The following NRXN3 variants were observed in gnomAD, a reference collection of about 807,000 sequenced individuals.
NRXN3 encodes neurexin III.
Under a neutral mutation model 137.6 loss-of-function variants are expected in NRXN3, and 32 were observed. The observed-to-expected ratio is 0.23, with a 90% CI of 0.18 to 0.31. The LOEUF is 0.31. Among genes scored for constraint, NRXN3 ranks in the 10% least tolerant of loss-of-function variants. The probability of loss-of-function intolerance (pLI) is 1.00; values close to 1 mark genes in which losing one functional copy is unlikely to be tolerated. For synonymous variants in NRXN3, 798 were observed against 784.5 expected, an observed-to-expected ratio of 1.02 and a Z score of -0.29; for missense variants, 1,574 against 2,062.5, an observed-to-expected ratio of 0.76 and a Z score of 4.59.
intron 20 of NRXN3, chr14:79,853,993 GTT>G (rs2099397220): frequency 1.0e-6 from 1 of 986,478 alleles, no homozygotes; most frequent in Non-Finnish European, 1.2e-6. Context: ...TTCTTTTTAT[GTT>G]ATGTGGTGTG....
chr14:79,048,597 A>T (rs2099636533), intron 15 of NRXN3, among the ~76,000 whole-genome samples: 1 of 150,636 alleles, frequency 6.6e-6, no homozygotes, highest in African/African-American at 2.4e-5. Flanking sequence ...AAAAAATGCG[A>T]ATGATTATCT....
At chr14:79,479,517 CAATAT>C (rs898712316) in intron 16 of NRXN3, among the ~76,000 whole-genome samples, 11 of 151,694 alleles carry the variant, frequency 7.3e-5, no homozygotes, top group Middle Eastern at 3.4e-3. Flanking sequence ...ATTTTCTATT[CAATAT>C]AATATAATAT....
intron 2 of NRXN3, among the ~76,000 whole-genome samples, chr14:78,265,143 T>C (rs564093069): frequency 7.9e-5 from 12 of 152,374 alleles, no homozygotes; most frequent in South Asian, 6.2e-4. Flanking sequence ...CTTTTGGTGA[T>C]AGGTTGGCAC....
chr14:78,486,755 T>C (rs1166402774), intron 4 of NRXN3, among the ~76,000 whole-genome samples: 1 of 152,070 alleles, frequency 6.6e-6, no homozygotes, highest in African/African-American at 2.4e-5. Flanking sequence ...ACTTTTATGG[T>C]TTTGTCTATT....
intron 8 of NRXN3, among the ~76,000 whole-genome samples, chr14:78,795,927 C>G (rs1032146378): frequency 6.6e-6 from 1 of 152,108 alleles, no homozygotes; most frequent in African/African-American, 2.4e-5. Context: ...AAACTGTAAC[C>G]AGCTGCCATC....
chr14:79,311,055 A>T (rs1444288777), intron 15 of NRXN3, among the ~76,000 whole-genome samples: 1 of 118,968 alleles, frequency 8.4e-6, no homozygotes, highest in African/African-American at 4.0e-5. Flanking sequence ...ATTCAGTATG[A>T]TATTGGCTGT....
At chr14:79,108,784 TAGA>T (rs1162872520) in intron 15 of NRXN3, among the ~76,000 whole-genome samples, 2 of 152,128 alleles carry the variant, frequency 1.3e-5, no homozygotes, top group Non-Finnish European at 2.9e-5. Context: ...TTTTCCTTTC[TAGA>T]AGAAGGGGAG....
At chr14:79,371,028 T>C (rs2153434388) in intron 15 of NRXN3, among the ~76,000 whole-genome samples, 1 of 152,296 alleles carries the variant, frequency 6.6e-6, no homozygotes, top group South Asian at 2.1e-4. Flanking sequence ...CTAATGAGAC[T>C]TAGTGCCATT....
At chr14:79,596,051 T>C (rs2097855600) in intron 16 of NRXN3, among the ~76,000 whole-genome samples, 1 of 151,950 alleles carries the variant, frequency 6.6e-6, no homozygotes, top group Admixed American at 6.6e-5. Context: ...GGATGGGTTT[T>C]TTTTTTTTTT....
chr14:79,836,059 G>A (rs2099341792), intron 20 of NRXN3, among the ~76,000 whole-genome samples: 1 of 152,176 alleles, frequency 6.6e-6, no homozygotes, highest in East Asian at 1.9e-4. Context: ...TCCCGACTCT[G>A]CATCATTAGG....
At chr14:78,916,793 C>T (rs984118544) in intron 10 of NRXN3, among the ~76,000 whole-genome samples, 1 of 152,138 alleles carries the variant, frequency 6.6e-6, no homozygotes, top group African/African-American at 2.4e-5. Context: ...CCTCGCAGTT[C>T]TGCAGGGTGG....
chr14:79,123,783 A>C (rs1259047140), intron 15 of NRXN3, among the ~76,000 whole-genome samples: 2 of 152,172 alleles, frequency 1.3e-5, no homozygotes, highest in Admixed American at 6.5e-5. Context: ...AAGTGGGAGT[A>C]CTGTATACAT....
intron 8 of NRXN3, among the ~76,000 whole-genome samples, chr14:78,741,101 T>G (rs997334450): frequency 3.9e-5 from 6 of 152,180 alleles, no homozygotes; most frequent in Admixed American, 2.0e-4. Flanking sequence ...CATCCCTCAC[T>G]GGGATAGAGA....
intron 1 of NRXN3, among the ~76,000 whole-genome samples, chr14:78,185,623 A>T (rs528480780): frequency 9.8e-5 from 15 of 152,298 alleles, no homozygotes; most frequent in Admixed American, 3.9e-4. Flanking sequence ...ATTTCAGGTG[A>T]TGGACCTCAG....
chr14:79,695,679 A>G (rs940742711), intron 18 of NRXN3, among the ~76,000 whole-genome samples: 4 of 151,804 alleles, frequency 2.6e-5, no homozygotes, highest in Admixed American at 6.6e-5. Flanking sequence ...TAAACAGTAA[A>G]GAGGTATGAA....
chr14:78,549,405 C>T (rs1285687057), intron 4 of NRXN3, among the ~76,000 whole-genome samples: 1 of 152,152 alleles, frequency 6.6e-6, no homozygotes, highest in Non-Finnish European at 1.5e-5. Context: ...GCTCAGGTGT[C>T]AACTGCTCCA....
intron 4 of NRXN3, among the ~76,000 whole-genome samples, chr14:78,561,010 ACTT>A (rs2096781338): frequency 6.6e-6 from 1 of 152,200 alleles, no homozygotes; most frequent in Non-Finnish European, 1.5e-5. Context: ...GTAATACATT[ACTT>A]CCCAAATTTT....
At chr14:78,278,538 C>A in intron 2 of NRXN3, 107 bp from the exon 3 acceptor site, 2 of 879,844 alleles carry the variant, frequency 2.3e-6, no homozygotes, top group Non-Finnish European at 3.6e-6. Flanking sequence ...GATAGTCATG[C>A]AAGAGCACAT....
intron 19 of NRXN3, among the ~76,000 whole-genome samples, chr14:79,795,855 G>C (rs1378589888): frequency 6.6e-6 from 1 of 151,986 alleles, no homozygotes; most frequent in Non-Finnish European, 1.5e-5. Context: ...GTACTAACAT[G>C]CACTCTTTTC....
Sources: gnomAD v4.1 joint callset for allele counts (sites outside exome capture counted in the v4.1 genomes callset) on GRCh38, gnomAD v4.1.1 for gene constraint, MANE v1.5 for transcripts, NCBI Gene and HGNC (gene_info 2026-07-23, HGNC 2026-07-21) for gene names.